ERI1: variants seen among roughly 807,000 people sequenced by gnomAD.
The protein encoded by ERI1 is 3'-5' exoribonuclease 1.
Under a neutral mutation model 39.7 loss-of-function variants are expected in ERI1, and 39 were observed. The observed-to-expected ratio is 0.98, with a 90% confidence interval of 0.76 to 1.28. The LOEUF is 1.28. ERI1 is among the 50% of genes most tolerant of loss of function. The pLI is 0.00. For synonymous variants in ERI1, 204 were observed against 149.6 expected (o/e 1.36, Z -2.65); for missense variants, 581 against 416.9 (o/e 1.39, Z -3.43).
intron 3 of ERI1, among the ~76,000 whole-genome samples, chr8:9,093,491 A>G (rs910865459): frequency 4.1e-5 from 6 of 145,760 alleles, no homozygotes; most frequent in Admixed American, 1.4e-4. Context: ...TTTGGAAGGG[A>G]AGACCTTGTC....
chr8:9,098,707 C>CA (rs1799957273), intron 3 of ERI1, among the ~76,000 whole-genome samples: 1 of 151,222 alleles, frequency 6.6e-6, no homozygotes. Flanking sequence ...ACCTGTTCCC[C>CA]AAAAACCTAT....
intron 6 of ERI1, among the ~76,000 whole-genome samples, chr8:9,028,309 AT>A (rs1797329389): frequency 6.6e-6 from 1 of 152,132 alleles, no homozygotes; most frequent in Admixed American, 6.5e-5. Flanking sequence ...TAAGTTGTGT[AT>A]TTCCAGGAAT....
At position 9,030,984 on chromosome 8, in the gene ERI1, A is replaced by T. The variant is rs1176187963; in HGVS notation, c.*950A>T. The T allele has an allele frequency of 6.6e-6, 1 of 152,232 alleles. No homozygotes were observed. Among genetic ancestry groups the T allele is most frequent in the Non-Finnish European group, 1.5e-5 (1 of 68,016 alleles). 9.4% of individuals were successfully genotyped at this position (152,232 alleles called of 1,614,324 possible). On this transcript the variant is annotated 3_prime_UTR_variant, in exon 7 of 7. Coordinates refer to ENST00000250263, the MANE Select transcript of ERI1 (RefSeq NM_153332.4). ...ATAAAAGACTTGTTTTTCTGATTTT[A>T]CATAGTAAATGGCTGCTAAGTATTG...
At chr8:9,098,986 C>G (rs536985905) in intron 3 of ERI1, among the ~76,000 whole-genome samples, 10 of 152,096 alleles carry the variant, frequency 6.6e-5, no homozygotes, top group East Asian at 5.8e-4. Context: ...GGCGCCCCCC[C>G]ACCACATCCG....
downstream of ERI1, among the ~76,000 whole-genome samples, chr8:9,038,096 TAAAAC>T (rs1473377339): frequency 1.3e-5 from 2 of 152,202 alleles, no homozygotes; most frequent in Admixed American, 6.5e-5. Context: ...TATTGACATT[TAAAAC>T]AAAACAGGCT....
At chr8:9,046,906 C>T (rs1195800122) in intron 3 of ERI1, among the ~76,000 whole-genome samples, 5 of 152,214 alleles carry the variant, frequency 3.3e-5, no homozygotes, top group African/African-American at 4.8e-5. Flanking sequence ...ATTTCACACA[C>T]GCTGATTGCA....
At chr8:9,013,377 C>G (rs1816882049) in intron 3 of ERI1, among the ~76,000 whole-genome samples, 1 of 151,342 alleles carries the variant, frequency 6.6e-6, no homozygotes, top group African/African-American at 2.4e-5. Context: ...AATACTCTTT[C>G]CTTGGAGCAT....
At chr8:9,052,152 G>A (rs768179058) in intron 3 of ERI1, among the ~76,000 whole-genome samples, 3 of 152,146 alleles carry the variant, frequency 2.0e-5, no homozygotes, top group Non-Finnish European at 4.4e-5. Context: ...CTTATTACAC[G>A]GGTCTGCCCA....
intron 2 of ERI1, among the ~76,000 whole-genome samples, chr8:9,010,218 G>T (rs1007837642): frequency 6.6e-6 from 1 of 152,194 alleles, no homozygotes; most frequent in African/African-American, 2.4e-5. Context: ...TCTATCCAGA[G>T]CAACTAGTTG....
chr8:9,078,716 C>G lies in ERI1; in HGVS notation n.300-37632C>G, dbSNP rs141628221. 2.2e-3 allele frequency among the ~76,000 whole-genome samples: 332 copies of G among 152,310 alleles called. 3 individuals carry two copies. The highest frequency in any genetic ancestry group is 3.7e-3 in the Admixed American group (57 of 15,294). On this transcript the variant is annotated intron_variant and non_coding_transcript_variant, in intron 3 of 3. Coordinates refer to the ERI1 transcript ENST00000518663. ...CCACCCAGACCTGCTGAATCAGTGACTCCAGGGTGGGGTCCAGCAGACTTT... is the reference window on the plus strand; with the variant it reads ...CCACCCAGACCTGCTGAATCAGTGAGTCCAGGGTGGGGTCCAGCAGACTTT...
intron 3 of ERI1, among the ~76,000 whole-genome samples, chr8:9,051,472 C>A (rs1432968374): frequency 6.6e-6 from 1 of 152,062 alleles, no homozygotes; most frequent in African/African-American, 2.4e-5. Flanking sequence ...GCCTGGCCAA[C>A]ATGGTGAAAG....
In ERI1 at chr8:9,003,980, C is replaced by T. The variant is rs977495269; in HGVS notation, c.108+809C>T. 17 of 815,088 alleles carry T rather than the reference C, an allele frequency of 2.1e-5. No homozygotes were observed. The African/African-American group carries it at 2.7e-4, about 13-fold the overall frequency. 50.5% of individuals were successfully genotyped at this position (815,088 alleles called of 1,614,324 possible). On this transcript the variant is annotated intron_variant, in intron 1 of 6. Coordinates refer to ENST00000250263, the MANE Select transcript of ERI1 (RefSeq NM_153332.4). ...AATAACATGAATTTGGCTTATTCCC[C>T]TCCTGAGTCACTTCCATTTGCTGCT...
chr8:9,048,730 A>T (rs1194035308), intron 3 of ERI1, among the ~76,000 whole-genome samples: 1 of 152,158 alleles, frequency 6.6e-6, no homozygotes, highest in Non-Finnish European at 1.5e-5. Flanking sequence ...CTGCAGCCTC[A>T]ATCTCCCTAG....
intron 3 of ERI1, among the ~76,000 whole-genome samples, chr8:9,073,060 TCA>T: frequency 6.6e-6 from 1 of 152,390 alleles, no homozygotes; most frequent in South Asian, 2.1e-4. Flanking sequence ...TTATTTTTAT[TCA>T]CCACACTCAT....
rs546265438 is a variant in ERI1, at chr8:9,053,862, C to T, written n.299+33398C>T. 2.0e-4 allele frequency among the ~76,000 whole-genome samples: 30 copies of T among 152,328 alleles called. No individual in the cohort carries two copies. In the South Asian group the frequency reaches 6.2e-3, roughly 32 times the overall value. On this transcript the variant is annotated intron_variant and non_coding_transcript_variant, in intron 3 of 3. Coordinates refer to the ERI1 transcript ENST00000518663. ...TGAAAAGCAGCCAAGTCCTCTATTG[C>T]CTCCAGAGAACCACGTTCAAATCAT...
intron 6 of ERI1, among the ~76,000 whole-genome samples, chr8:9,029,465 A>G (rs1797430140): frequency 6.6e-6 from 1 of 152,080 alleles, no homozygotes; most frequent in Admixed American, 6.6e-5. Context: ...GGTAGCTGGC[A>G]TTACAGATGT....
At chr8:9,073,428 G>A (rs1799117650) in intron 3 of ERI1, among the ~76,000 whole-genome samples, 1 of 152,168 alleles carries the variant, frequency 6.6e-6, no homozygotes, top group African/African-American at 2.4e-5. Flanking sequence ...GTGTCTGGGG[G>A]GAGGTTACCG....
At chr8:9,098,722 A>G (rs112009320) in intron 3 of ERI1, among the ~76,000 whole-genome samples, 2,185 of 152,292 alleles carry the variant, frequency 0.014, 54 homozygotes, top group African/African-American at 0.05. Flanking sequence ...ACCTATTGAA[A>G]TAAAAAAAAA....
At chr8:9,060,980 C>G (rs1798675372) in intron 3 of ERI1, among the ~76,000 whole-genome samples, 2 of 152,124 alleles carry the variant, frequency 1.3e-5, no homozygotes, top group Admixed American at 1.3e-4. Flanking sequence ...CATGGTGGTG[C>G]AGAATATGAA....
Sources: allele counts gnomAD v4.1 joint callset (sites outside exome capture counted in the v4.1 genomes callset), GRCh38; gene constraint gnomAD v4.1.1; transcripts MANE v1.5; gene names NCBI Gene and HGNC (gene_info 2026-07-23, HGNC 2026-07-21).